SLC35A3: variants seen among roughly 807,000 people sequenced by gnomAD.
The protein encoded by SLC35A3 is UDP-N-acetylglucosamine transporter.
In SLC35A3, 26 loss-of-function variants were observed where a neutral mutation model predicts 39.0. The ratio of observed to expected loss-of-function variants is 0.67; its 90% CI spans 0.49 to 0.92. The LOEUF is 0.92. Among genes scored for constraint, SLC35A3 ranks in the 40% least tolerant of loss-of-function variants. The pLI is 0.00. For missense variants in SLC35A3, 299 were observed against 371.6 expected, an observed-to-expected ratio of 0.80 and a Z score of 1.61; for synonymous variants, 135 against 133.1, an observed-to-expected ratio of 1.01 and a Z score of -0.10.
rs1328743191 is a variant in SLC35A3, at chr1:100,034,651, A to G, written c.*12175A>G. ...ATGGAGGGTAGAAGGGATGTGGGTG[A>G]CTTACTCAGTTTTTAGTTAAAGAGG... On this transcript the variant is annotated 3_prime_UTR_variant, in exon 8 of 8. Coordinates refer to ENST00000533028, the MANE Select transcript of SLC35A3 (RefSeq NM_012243.3). The G allele has an allele frequency of 6.6e-6, 1 of 151,890 alleles. No homozygotes were observed. The highest frequency in any genetic ancestry group is 1.5e-5 in the Non-Finnish European group (1 of 67,992). The allele number at this position is 151,890 out of a possible 1,614,324, so 9.4% of individuals were successfully genotyped here.
Position 100,024,921 on chromosome 1 carries a change from C to T in SLC35A3, c.*2445C>T, listed in dbSNP as rs1200917192. ...TGTTACAGACTGTTGGGTACCCTTG[C>T]CTAACGTGAACTGGCAGTGTTACCT... On this transcript the variant is annotated 3_prime_UTR_variant, in exon 8 of 8. Coordinates refer to ENST00000533028, the MANE Select transcript of SLC35A3 (RefSeq NM_012243.3). 1 of 340,918 alleles carries T rather than the reference C, an allele frequency of 2.9e-6. No homozygotes were observed. Among genetic ancestry groups the T allele is most frequent in the African/African-American group, 2.1e-5 (1 of 46,738 alleles). 21.1% of individuals were successfully genotyped at this position (340,918 alleles called of 1,614,324 possible). A position where few individuals can be genotyped will look rare whatever the true frequency, so the allele number is the denominator to read the frequency against.
rs892867278 is a variant in SLC35A3 at position 100,022,487 on chromosome 1, T to A, written c.*11T>A. On this transcript the variant is annotated 3_prime_UTR_variant, in exon 8 of 8. Transcript: ENST00000533028. Reference sequence around the variant, plus strand: ...CCCACTAAAGCATAGTTGTATACTATCTTTAACTGGTTTTTCACGATGGGG... The same window carrying A: ...CCCACTAAAGCATAGTTGTATACTAACTTTAACTGGTTTTTCACGATGGGG... 9 of 1,455,512 alleles carry A rather than the reference T, an allele frequency of 6.2e-6. No homozygotes were observed. The highest frequency in any genetic ancestry group is 1.8e-5 in the Admixed American group (1 of 54,514). The allele number at this position is 1,455,512 out of a possible 1,614,324, so 90.2% of individuals were successfully genotyped here.
At chr1:99,974,922 A>C (rs1163127231) in intron 1 of SLC35A3, 1 of 152,106 alleles carries the variant, frequency 6.6e-6, no homozygotes, top group Non-Finnish European at 1.5e-5. Context: ...AAAACATTTA[A>C]TGCAAACCAG....
Position 100,033,420 on chromosome 1 carries a change from A to G in SLC35A3, c.*10944A>G, listed in dbSNP as rs771484366. 7 of 150,798 alleles carry G rather than the reference A, an allele frequency of 4.6e-5. No individual in the cohort carries two copies. Among genetic ancestry groups the G allele is most frequent in the Admixed American group, 2.0e-4 (3 of 15,120 alleles). 9.3% of individuals were successfully genotyped at this position (150,798 alleles called of 1,614,324 possible). On this transcript the variant is annotated 3_prime_UTR_variant, in exon 8 of 8. Transcript: ENST00000533028. The stretch of plus-strand genomic sequence containing the variant: ...TATAAGTAATTATTATCCATCTCTT[A>G]TAAGTAATTATTATAAGTATTTTCT...
intron 1 of SLC35A3, among the ~76,000 whole-genome samples, chr1:99,971,348 C>T (rs1220621588): frequency 1.3e-5 from 2 of 151,750 alleles, no homozygotes; most frequent in African/African-American, 4.8e-5. Flanking sequence ...GCTCTGTCGC[C>T]CAGGCTGGAG....
Position 100,015,376 on chromosome 1 carries a change from T to A in SLC35A3, c.709T>A (p.Phe237Ile). The A allele has an allele frequency of 4.3e-6, 7 of 1,613,406 alleles. No individual in the cohort carries two copies. Among genetic ancestry groups the A allele is most frequent in the Non-Finnish European group, 5.9e-6 (7 of 1,179,746 alleles). ...AGAACTGGTATCAAAGAATGGATTTTTTCAGGGATATAACCGACTGACCTG... is the reference window on the plus strand; with the variant it reads ...AGAACTGGTATCAAAGAATGGATTTATTCAGGGATATAACCGACTGACCTG... ...DGELVSKNGF[F>I]QGYNRLTWIV... Residue 237 changes from phenylalanine (F) to isoleucine (I), a missense_variant, in exon 6 of 8, where the codon TTT becomes ATT. Physicochemically the swap from Phe to Ile is conservative, Grantham distance 21. Transcript: ENST00000533028.
In SLC35A3 at chr1:100,028,901, C is replaced by T. The variant is rs896885709; in HGVS notation, c.*6425C>T. Reference sequence around the variant, plus strand: ...CAGAGAAAGGAAATACAAATTAAAACCAGCCAAAGGAAGTGACACATAAAA... The same window carrying T: ...CAGAGAAAGGAAATACAAATTAAAATCAGCCAAAGGAAGTGACACATAAAA... On this transcript the variant is annotated 3_prime_UTR_variant, in exon 8 of 8. Coordinates refer to ENST00000533028, the MANE Select transcript of SLC35A3 (RefSeq NM_012243.3). The T allele has an allele frequency of 6.6e-6, 1 of 152,218 alleles. No individual in the cohort carries two copies. The highest frequency in any genetic ancestry group is 1.5e-5 in the Non-Finnish European group (1 of 68,068). The allele number at this position is 152,218 out of a possible 1,614,324, so 9.4% of individuals were successfully genotyped here.
At chr1:99,997,384 TAC>T (rs545410537) in intron 2 of SLC35A3, among the ~76,000 whole-genome samples, 188 of 126,676 alleles carry the variant, frequency 1.5e-3, no homozygotes, top group African/African-American at 4.9e-3. Flanking sequence ...CCAAAATATA[TAC>T]AGTTATATGT....
chr1:99,998,146 G>A (rs1658532538), intron 2 of SLC35A3, among the ~76,000 whole-genome samples: 1 of 150,580 alleles, frequency 6.6e-6, no homozygotes, highest in Non-Finnish European at 1.5e-5. Context: ...GCCAGTGACA[G>A]TCACATTTCT....
intron 3 of SLC35A3, among the ~76,000 whole-genome samples, chr1:100,002,300 A>G (rs1658866581): frequency 6.6e-6 from 1 of 152,030 alleles, no homozygotes; most frequent in African/African-American, 2.4e-5. Flanking sequence ...GTTACTTGTT[A>G]TTGGTCTTTC....
chr1:99,989,559 C>T (rs1490492616), intron 1 of SLC35A3, among the ~76,000 whole-genome samples: 5 of 152,174 alleles, frequency 3.3e-5, no homozygotes, highest in African/African-American at 1.2e-4. Context: ...GCTGAGATTA[C>T]AGGCATGAGC....
At chr1:99,990,039 G>A (rs1383099863) in intron 1 of SLC35A3, among the ~76,000 whole-genome samples, 2 of 152,158 alleles carry the variant, frequency 1.3e-5, no homozygotes, top group African/African-American at 4.8e-5. Flanking sequence ...TTACAGGTGT[G>A]AGCCACTGCA....
At chr1:100,015,820 G>A in intron 6 of SLC35A3, 1 of 174,644 alleles carries the variant, frequency 5.7e-6, no homozygotes, top group Non-Finnish European at 1.2e-5. Flanking sequence ...GTTACATATT[G>A]GAAAACATCT....
Position 100,034,057 on chromosome 1 carries a change from T to C in SLC35A3, c.*11581T>C, listed in dbSNP as rs1159702565. The C allele has an allele frequency of 1.3e-5, 2 of 152,236 alleles. No homozygotes were observed. Among genetic ancestry groups the C allele is most frequent in the Admixed American group, 6.5e-5 (1 of 15,288 alleles). The allele number at this position is 152,236 out of a possible 1,614,324, so 9.4% of individuals were successfully genotyped here. A position where few individuals can be genotyped will look rare whatever the true frequency, so the allele number is the denominator to read the frequency against. ...GACAAACATTTCCTTTTCTTGAGTT[T>C]GTCTGAATTTGTGCTTCACTGTTGG... is the stretch of plus-strand genomic sequence containing the variant. On this transcript the variant is annotated 3_prime_UTR_variant, in exon 8 of 8. Coordinates refer to ENST00000533028, the MANE Select transcript of SLC35A3 (RefSeq NM_012243.3).
At chr1:99,996,852 G>A (rs1658428317) in intron 2 of SLC35A3, among the ~76,000 whole-genome samples, 1 of 152,024 alleles carries the variant, frequency 6.6e-6, no homozygotes, top group Non-Finnish European at 1.5e-5. Flanking sequence ...GTACCAGGTA[G>A]CAATTTTAAA....
intron 2 of SLC35A3, among the ~76,000 whole-genome samples, chr1:99,995,155 T>TCTTTCTTTCTTA (rs1658326427): frequency 4.2e-5 from 6 of 141,650 alleles, no homozygotes; most frequent in African/African-American, 1.3e-4. Context: ...TTTCTTTCTT[T>TCTTTCTTTCTTA]CTTTCTTTTT....
At chr1:99,975,766 C>G (rs368479587) in intron 1 of SLC35A3, among the ~76,000 whole-genome samples, 1 of 152,062 alleles carries the variant, frequency 6.6e-6, no homozygotes, top group South Asian at 2.1e-4. Context: ...GTCAATTAAA[C>G]TTTACAAACA....
In SLC35A3 at chr1:99,971,280, G is replaced by A. The variant is rs188833929; in HGVS notation, c.-19+1118G>A. Among the ~76,000 whole-genome samples the A allele has an allele frequency of 1.8e-3, 266 of 151,902 alleles. 1 individual carries two copies. The highest frequency in any genetic ancestry group is 6.1e-3 in the African/African-American group (252 of 41,424). On this transcript the variant is annotated intron_variant, in intron 1 of 7. Transcript: ENST00000533028. ...GATTTTTCCTTCAGAATTTGAGTCT[G>A]ACGGTGGCTCCAGTAAAATCAATAT...
chr1:100,000,323 A>T (rs978958027), intron 3 of SLC35A3, among the ~76,000 whole-genome samples: 3 of 152,104 alleles, frequency 2.0e-5, no homozygotes, highest in Non-Finnish European at 2.9e-5. Context: ...CGTTTCCCTG[A>T]TGACTAGTGA....
Sources: gnomAD v4.1 joint callset for allele counts (sites outside exome capture counted in the v4.1 genomes callset) on GRCh38, gnomAD v4.1.1 for gene constraint, MANE v1.5 for transcripts, NCBI Gene and HGNC (gene_info 2026-07-23, HGNC 2026-07-21) for gene names.